Variants in LRRC8D observed in about 807,000 individuals in gnomAD.
LRRC8D encodes volume-regulated anion channel subunit LRRC8D.
A neutral mutation model predicts 55.8 loss-of-function variants in LRRC8D; 20 were observed. The ratio of observed to expected loss-of-function variants is 0.36; its 90% CI spans 0.25 to 0.52. The LOEUF is 0.52. Ranked by LOEUF, LRRC8D falls within the 20% of genes least tolerant of loss-of-function variation. The pLI is 0.93. For missense variants in LRRC8D, 651 were observed against 1,030.8 expected (o/e 0.63, Z 5.05); for synonymous variants, 352 against 377.0 (o/e 0.93, Z 0.77).
chr1:89,930,146 G>GC (rs570510228), intron 2 of LRRC8D, among the ~76,000 whole-genome samples: 81 of 152,228 alleles, frequency 5.3e-4, no homozygotes, highest in African/African-American at 1.7e-3. Context: ...GTTGAGGACC[G>GC]CTGCCCTACT....
At chr1:89,867,598 T>C (rs1661883862) in intron 2 of LRRC8D, among the ~76,000 whole-genome samples, 2 of 151,936 alleles carry the variant, frequency 1.3e-5, no homozygotes, top group Non-Finnish European at 2.9e-5. Flanking sequence ...GGTGGAGATA[T>C]ATTTTCATTT....
intron 2 of LRRC8D, among the ~76,000 whole-genome samples, chr1:89,870,784 CACA>C (rs895668666): frequency 5.3e-5 from 8 of 152,130 alleles, no homozygotes; most frequent in African/African-American, 1.9e-4. Flanking sequence ...TTAAGGAAAA[CACA>C]TGTAGGAGGC....
rs551237578 is a variant in LRRC8D at position 89,869,538 on chromosome 1, G to A, written c.-3+25756G>A. On this transcript the variant is annotated intron_variant, in intron 2 of 2. Transcript: ENST00000337338. ...GAACCAAGTTGGAAGATACACTTCA[G>A]GATATTATCCAGGAGAACTTCCCCA... Among the ~76,000 whole-genome samples the A allele has an allele frequency of 4.3e-3, 658 of 152,274 alleles. 2 individuals are homozygous for A. The highest frequency in any genetic ancestry group is 6.6e-3 in the Non-Finnish European group (451 of 68,032).
At chr1:89,903,591 ATC>A (rs1307033997) in intron 2 of LRRC8D, among the ~76,000 whole-genome samples, 5 of 152,214 alleles carry the variant, frequency 3.3e-5, no homozygotes, top group Non-Finnish European at 7.3e-5. Flanking sequence ...ATCTCCCTTA[ATC>A]TACAAGCAAA....
chr1:89,826,163 G>A (rs1008131231), intron 1 of LRRC8D, among the ~76,000 whole-genome samples: 4 of 152,300 alleles, frequency 2.6e-5, no homozygotes, highest in Middle Eastern at 3.4e-3. Context: ...AGGCTGTGTC[G>A]AAGTTGGAGT....
At chr1:89,884,319 G>A (rs555397611) in intron 2 of LRRC8D, among the ~76,000 whole-genome samples, 1 of 152,286 alleles carries the variant, frequency 6.6e-6, no homozygotes, top group Non-Finnish European at 1.5e-5. Flanking sequence ...TCTATTTCCT[G>A]ACATTAGTCA....
chr1:89,935,397 T>C lies in LRRC8D; in HGVS notation c.2329T>C (p.Leu777=). 6.2e-7 allele frequency: 1 copy of C among 1,614,238 alleles called. No individual in the cohort carries two copies. Among genetic ancestry groups the C allele is most frequent in the African/African-American group, 1.3e-5 (1 of 75,064 alleles). ...AAAACAATTGTTTAAATGCATAAAG[T>C]TGAGGACTTTGAATCTGGGACAGAA... ...LPKQLFKCIK[L]RTLNLGQNCI... Residue 777 remains leucine (L), a synonymous_variant, in exon 3 of 3, where the codon TTG becomes CTG. Coordinates refer to ENST00000337338, the MANE Select transcript of LRRC8D (RefSeq NM_001134479.2).
intron 1 of LRRC8D, among the ~76,000 whole-genome samples, chr1:89,823,172 G>C (rs1411674776): frequency 6.6e-6 from 1 of 152,200 alleles, no homozygotes; most frequent in African/African-American, 2.4e-5. Context: ...TAGAAGGTTG[G>C]AGAGGAAACT....
At chr1:89,889,706 A>G (rs563325393) in intron 2 of LRRC8D, among the ~76,000 whole-genome samples, 1 of 151,332 alleles carries the variant, frequency 6.6e-6, no homozygotes, top group East Asian at 1.9e-4. Flanking sequence ...ACATGGTGAA[A>G]CCCCGTCTCT....
At chr1:89,902,814 G>A (rs901044774) in intron 2 of LRRC8D, among the ~76,000 whole-genome samples, 2 of 152,158 alleles carry the variant, frequency 1.3e-5, no homozygotes, top group Non-Finnish European at 2.9e-5. Context: ...GTGAGCCACC[G>A]TGCCCAGCCA....
In LRRC8D at chr1:89,934,020, A is replaced by T; in HGVS notation, c.952A>T (p.Lys318Ter). Reference protein sequence around the residue: ...YVVQTVIKTAKFIFILCYTAN... With the variant: ...YVVQTVIKTA ...GGTCCAAACAGTTATCAAAACAGCC[A>T]AGTTCATTTTTATTCTCTGCTATAC... The change falls in exon 3 of 3, where the codon AAG (lysine) becomes TAG (stop). Residue 318 changes from lysine to a stop codon, truncating the protein, a stop_gained. Coordinates refer to ENST00000337338, the MANE Select transcript of LRRC8D (RefSeq NM_001134479.2). LOFTEE classifies it high-confidence loss of function. This position sits in a 1 kb window ranked among gnomAD's most constrained non-coding sequence, Gnocchi z 5.9. The T allele has an allele frequency of 6.2e-7, 1 of 1,614,152 alleles. No individual in the cohort carries two copies. The highest frequency in any genetic ancestry group is 8.5e-7 in the Non-Finnish European group (1 of 1,180,036).
intron 2 of LRRC8D, chr1:89,846,534 T>C (rs931157031): frequency 6.6e-6 from 1 of 152,164 alleles, no homozygotes; most frequent in Non-Finnish European, 1.5e-5. Flanking sequence ...AGCCGCTGCC[T>C]AAGGAAGAGG....
At chr1:89,907,376 A>T (rs745707953) in intron 2 of LRRC8D, among the ~76,000 whole-genome samples, 56 of 151,884 alleles carry the variant, frequency 3.7e-4, no homozygotes, top group Admixed American at 1.6e-3. Context: ...TATTTAGTAG[A>T]GACGGGGTTT....
chr1:89,862,563 G>A (rs77489515), intron 2 of LRRC8D, among the ~76,000 whole-genome samples: 20,272 of 152,164 alleles, frequency 0.13, 1,504 homozygotes, highest in Non-Finnish European at 0.17. Flanking sequence ...TCTTCTCTGT[G>A]CTGGATGTAT....
chr1:89,885,348 A>G (rs1292701775), intron 2 of LRRC8D, among the ~76,000 whole-genome samples: 1 of 152,216 alleles, frequency 6.6e-6, no homozygotes, highest in Non-Finnish European at 1.5e-5. Flanking sequence ...GGATGCATGG[A>G]TGCATGTATT....
At chr1:89,839,517 G>C (rs1284733542) in intron 1 of LRRC8D, among the ~76,000 whole-genome samples, 1 of 152,128 alleles carries the variant, frequency 6.6e-6, no homozygotes, top group African/African-American at 2.4e-5. Flanking sequence ...GCGACCCCTT[G>C]CTGCATTTTG....
chr1:89,879,103 T>C (rs1021361692), intron 2 of LRRC8D, among the ~76,000 whole-genome samples: 2 of 152,232 alleles, frequency 1.3e-5, no homozygotes, highest in Admixed American at 6.5e-5. Flanking sequence ...ATCTCCCTGC[T>C]GCATTTGTCC....
Position 89,843,868 on chromosome 1 carries a change from C to T in LRRC8D, c.-3+86C>T, listed in dbSNP as rs1661203917. ...GCTAGTGTCGGATCTGCATCTCCAGCTCTGTGCTGCAGCTTCACTTGCCCG... is the reference window on the plus strand; with the variant it reads ...GCTAGTGTCGGATCTGCATCTCCAGTTCTGTGCTGCAGCTTCACTTGCCCG... On this transcript the variant is annotated intron_variant, in intron 2 of 2. Coordinates refer to ENST00000337338, the MANE Select transcript of LRRC8D (RefSeq NM_001134479.2). 7 of 562,110 alleles carry T rather than the reference C, an allele frequency of 1.2e-5. No individual in the cohort carries two copies. In the South Asian group the frequency reaches 1.5e-4, roughly 12 times the overall value. The allele number at this position is 562,110 out of a possible 1,614,324, so 34.8% of individuals were successfully genotyped here.
chr1:89,877,946 G>A (rs1662188705), intron 2 of LRRC8D, among the ~76,000 whole-genome samples: 1 of 152,182 alleles, frequency 6.6e-6, no homozygotes, highest in Non-Finnish European at 1.5e-5. Flanking sequence ...TATGCTTGGT[G>A]CCTTCCCTTT....
Sources: gnomAD v4.1 joint callset for allele counts (sites outside exome capture counted in the v4.1 genomes callset) on GRCh38, gnomAD v4.1.1 for gene constraint, Gnocchi (gnomAD v3.1) non-coding constraint, MANE v1.5 for transcripts, NCBI Gene and HGNC (gene_info 2026-07-23, HGNC 2026-07-21) for gene names.